The following ATL3 variants were observed in gnomAD, a reference collection of about 807,000 sequenced individuals.
ATL3 encodes atlastin GTPase 3.
ATL3 carries 49 observed loss-of-function variants against 69.5 expected under a neutral mutation model. The ratio of observed to expected loss-of-function variants is 0.71; its 90% CI spans 0.56 to 0.89. The LOEUF (loss-of-function observed/expected upper bound fraction) is 0.89, where lower values mean the gene tolerates loss of function less well. Ranked by LOEUF, ATL3 falls within the 40% of genes least tolerant of loss-of-function variation. ATL3 has a pLI of 0.00. For missense variants in ATL3, 606 were observed against 645.7 expected (o/e 0.94, Z 0.67); for synonymous variants, 214 against 224.1 (o/e 0.95, Z 0.40).
chr11:63,663,614 G>A (rs956840911), intron 1 of ATL3, among the ~76,000 whole-genome samples: 1 of 152,146 alleles, frequency 6.6e-6, no homozygotes, highest in Non-Finnish European at 1.5e-5. Flanking sequence ...CCCAGCAGCA[G>A]GTAAATCCAA....
chr11:63,642,484 A>C (rs1437831623), intron 8 of ATL3, among the ~76,000 whole-genome samples: 1 of 152,218 alleles, frequency 6.6e-6, no homozygotes, highest in African/African-American at 2.4e-5. Flanking sequence ...GTAACTAAAC[A>C]GTACATATCC....
rs1018227705 is a variant in ATL3, at chr11:63,632,504, C to A, written c.1107+522G>T. 198 of 853,118 alleles carry A rather than the reference C, an allele frequency of 2.3e-4. 1 individual carries two copies. Among genetic ancestry groups the A allele is most frequent in the Non-Finnish European group, 3.1e-5 (15 of 486,656 alleles). 52.8% of individuals were successfully genotyped at this position (853,118 alleles called of 1,614,324 possible). ...GGTTTGGAAGGAGACAAAATCCTCACCACTAGTCCATCAGATTTCTTTAAA... is the reference window on the plus strand; with the variant it reads ...GGTTTGGAAGGAGACAAAATCCTCAACACTAGTCCATCAGATTTCTTTAAA... On this transcript the variant is annotated intron_variant, in intron 11 of 12. Transcript: ENST00000398868.
At chr11:63,637,169 C>T (rs776896160) in intron 8 of ATL3, among the ~76,000 whole-genome samples, 4 of 151,382 alleles carry the variant, frequency 2.6e-5, no homozygotes, top group Non-Finnish European at 5.9e-5. Flanking sequence ...CCCAGCTACT[C>T]GGGAGGCTGA....
chr11:63,634,456 G>A (rs1472100048), intron 10 of ATL3, among the ~76,000 whole-genome samples: 5 of 151,694 alleles, frequency 3.3e-5, no homozygotes, highest in African/African-American at 7.3e-5. Context: ...GCAGTGAGCC[G>A]AGATTGTGCC....
intron 1 of ATL3, among the ~76,000 whole-genome samples, chr11:63,660,062 TAAA>T (rs35361123): frequency 1.1e-4 from 15 of 141,262 alleles, no homozygotes; most frequent in African/African-American, 3.6e-4. Context: ...AAAATGTTGT[TAAA>T]AAAAAAAAGA....
At chr11:63,658,660 A>C in intron 3 of ATL3, 101 bp downstream of exon 3, 1 of 1,302,464 alleles carries the variant, frequency 7.7e-7, no homozygotes. Flanking sequence ...CCCATTTTAA[A>C]TTCTTTGATA....
At chr11:63,657,286 G>C (rs1053477417) in intron 3 of ATL3, among the ~76,000 whole-genome samples, 1 of 150,914 alleles carries the variant, frequency 6.6e-6, no homozygotes, top group Non-Finnish European at 1.5e-5. Flanking sequence ...AGTAATGGAT[G>C]AAAGTCTGTA....
chr11:63,668,906 A>G (rs1174909038), intron 1 of ATL3, among the ~76,000 whole-genome samples: 1 of 145,702 alleles, frequency 6.9e-6, no homozygotes, highest in African/African-American at 2.5e-5. Context: ...GGCTCACTGC[A>G]GCCAACTTCC....
chr11:63,636,244 G>A lies in ATL3; in HGVS notation c.941C>T (p.Ser314Leu), dbSNP rs752401432. 1 of 1,614,052 alleles carries A rather than the reference G, an allele frequency of 6.2e-7. No individual in the cohort carries two copies. The highest frequency in any genetic ancestry group is 8.5e-7 in the Non-Finnish European group (1 of 1,180,000). ...SKLMEKEING[S>L]KVTCRGLLEY... ...CAGTAGTCCCCGACAGGTGACCTTT[G>A]AGCCATTGATCTCCTTTTCCATTAA... The change falls in exon 9 of 13, where the codon TCA (serine) becomes TTA (leucine). Residue 314 changes from serine (S) to leucine (L), a missense_variant. By Grantham distance (145) the Ser-to-Leu change is moderately radical. Coordinates refer to ENST00000398868, the MANE Select transcript of ATL3 (RefSeq NM_015459.5).
intron 1 of ATL3, among the ~76,000 whole-genome samples, chr11:63,662,131 T>C (rs568409756): frequency 2.4e-4 from 37 of 151,072 alleles, no homozygotes; most frequent in African/African-American, 8.5e-4. Flanking sequence ...GAGAATTACT[T>C]GAACCTGCAC....
In ATL3 at chr11:63,625,137, C is replaced by T. The variant is rs1033483297; in HGVS notation, c.*4182G>A. ...ACTTACAGCAAGAAAAACCATTTGACTGCAAATATTATTTTACAATGGGCT... is the reference window on the plus strand; with the variant it reads ...ACTTACAGCAAGAAAAACCATTTGATTGCAAATATTATTTTACAATGGGCT... On this transcript the variant is annotated 3_prime_UTR_variant, in exon 13 of 13. Transcript: ENST00000398868. The T allele has an allele frequency of 1.3e-5, 2 of 152,200 alleles. No individual in the cohort carries two copies. Among genetic ancestry groups the T allele is most frequent in the African/African-American group, 2.4e-5 (1 of 41,450 alleles). The allele number at this position is 152,200 out of a possible 1,614,324, so 9.4% of individuals were successfully genotyped here.
Position 63,629,258 on chromosome 11 carries a change from G to T in ATL3, c.*61C>A. ...CTCTGGATATGAACCTGTGGCCGTG[G>T]CAGAAACCCAGAAATCAGTAGGGGC... On this transcript the variant is annotated 3_prime_UTR_variant, in exon 13 of 13. Coordinates refer to ENST00000398868, the MANE Select transcript of ATL3 (RefSeq NM_015459.5). 1 of 1,406,386 alleles carries T rather than the reference G, an allele frequency of 7.1e-7. No individual in the cohort carries two copies. Among genetic ancestry groups the T allele is most frequent in the Non-Finnish European group, 1.0e-6 (1 of 992,206 alleles). 87.1% of individuals were successfully genotyped at this position (1,406,386 alleles called of 1,614,324 possible).
intron 1 of ATL3, among the ~76,000 whole-genome samples, chr11:63,666,146 A>G (rs947628796): frequency 6.6e-6 from 1 of 151,852 alleles, no homozygotes; most frequent in African/African-American, 2.4e-5. Flanking sequence ...GGGTTCAAGC[A>G]ATTCTCCTGC....
intron 1 of ATL3, among the ~76,000 whole-genome samples, chr11:63,663,595 T>C (rs17158489): frequency 0.09 from 13,652 of 152,268 alleles, 814 homozygotes; most frequent in Non-Finnish European, 0.14. Context: ...CTCTTAGGGT[T>C]CTTATTGCCC....
intron 3 of ATL3, among the ~76,000 whole-genome samples, chr11:63,653,209 G>A (rs1027618275): frequency 2.0e-5 from 3 of 152,088 alleles, no homozygotes; most frequent in African/African-American, 7.2e-5. Flanking sequence ...GCTCACACCT[G>A]TAATCCCAGT....
intron 12 of ATL3, 97 bp downstream of exon 12, chr11:63,630,943 C>T: frequency 2.4e-6 from 3 of 1,261,352 alleles, no homozygotes; most frequent in Non-Finnish European, 3.3e-6. Context: ...TGTCTCATGT[C>T]TTCACTATGA....
At chr11:63,646,097 C>T (rs1324404999) in intron 6 of ATL3, among the ~76,000 whole-genome samples, 1 of 152,076 alleles carries the variant, frequency 6.6e-6, no homozygotes, top group African/African-American at 2.4e-5. Flanking sequence ...CTATGTTGCC[C>T]AGGCTGGTCT....
intron 7 of ATL3, 118 bp downstream of exon 7, chr11:63,644,047 CATAT>C: frequency 1.5e-6 from 1 of 653,224 alleles, no homozygotes; most frequent in Non-Finnish European, 2.7e-6. Context: ...TGTTAAGATT[CATAT>C]ATAGTTAATG....
intron 1 of ATL3, among the ~76,000 whole-genome samples, 166 bp downstream of exon 1, chr11:63,671,124 C>A (rs1388109135): frequency 6.7e-6 from 1 of 149,864 alleles, no homozygotes; most frequent in African/African-American, 2.5e-5. Context: ...CGAAGAGGGG[C>A]CCCCCCACCA....
Sources: allele counts gnomAD v4.1 joint callset (sites outside exome capture counted in the v4.1 genomes callset), GRCh38; gene constraint gnomAD v4.1.1; transcripts MANE v1.5; gene names NCBI Gene and HGNC (gene_info 2026-07-23, HGNC 2026-07-21).